Variants in LINGO2 observed in about 807,000 individuals in gnomAD.
LINGO2 encodes leucine-rich repeat and immunoglobulin-like domain-containing nogo receptor-interacting protein 2.
A neutral mutation model predicts 30.6 loss-of-function variants in LINGO2; 14 were observed. The ratio of observed to expected loss-of-function variants is 0.46; its 90% CI spans 0.30 to 0.72. LINGO2 has a LOEUF of 0.72. Among genes scored for constraint, LINGO2 ranks in the 30% least tolerant of loss-of-function variants. The pLI, the probability that LINGO2 is intolerant of heterozygous loss-of-function variation, is 0.07. For missense variants in LINGO2, 729 were observed against 751.7 expected (o/e 0.97, Z 0.35); for synonymous variants, 317 against 288.5 (o/e 1.10, Z -1.00).
intron 4 of LINGO2, among the ~76,000 whole-genome samples, chr9:28,042,383 GAC>G (rs1264537995): frequency 2.0e-5 from 3 of 152,220 alleles, no homozygotes; most frequent in African/African-American, 4.8e-5. Flanking sequence ...AGCAAAATCT[GAC>G]AAATTTTGGA....
intron 4 of LINGO2, among the ~76,000 whole-genome samples, chr9:28,160,848 A>C (rs773674942): frequency 6.6e-6 from 1 of 152,134 alleles, no homozygotes; most frequent in Admixed American, 6.5e-5. Context: ...ATCTCAATTT[A>C]TTAGCTCCAT....
At chr9:28,538,794 A>T (rs779435811) in intron 1 of LINGO2, among the ~76,000 whole-genome samples, 2 of 152,078 alleles carry the variant, frequency 1.3e-5, no homozygotes, top group African/African-American at 4.8e-5. Context: ...ACACCTCCCG[A>T]AAGTCCCCAC....
intron 4 of LINGO2, among the ~76,000 whole-genome samples, chr9:28,089,613 G>A (rs1263569852): frequency 1.3e-5 from 2 of 152,134 alleles, no homozygotes; most frequent in Non-Finnish European, 2.9e-5. Flanking sequence ...GAGAAAGCAG[G>A]AAAGATCTAA....
At chr9:28,269,004 T>C (rs1329870784) in intron 4 of LINGO2, among the ~76,000 whole-genome samples, 1 of 152,062 alleles carries the variant, frequency 6.6e-6, no homozygotes, top group Non-Finnish European at 1.5e-5. Context: ...ATGCATGCTG[T>C]TCTTCCTGGA....
chr9:27,987,629 T>C (rs949814882), intron 5 of LINGO2, among the ~76,000 whole-genome samples: 2 of 151,932 alleles, frequency 1.3e-5, no homozygotes, highest in South Asian at 4.1e-4. Flanking sequence ...TATGGTCAAC[T>C]ATTTTTGACT....
At chr9:28,669,454 C>T (rs1280564776) in intron 1 of LINGO2, among the ~76,000 whole-genome samples, 1 of 151,986 alleles carries the variant, frequency 6.6e-6, no homozygotes, top group Non-Finnish European at 1.5e-5. Context: ...TTCCTGGGCA[C>T]CACTGGACTT....
At chr9:28,075,121 C>A (rs1293800720) in intron 4 of LINGO2, among the ~76,000 whole-genome samples, 3 of 151,876 alleles carry the variant, frequency 2.0e-5, no homozygotes, top group African/African-American at 7.2e-5. Context: ...TTTTATCATT[C>A]CCTGGAATTC....
At chr9:28,761,974 C>T in the LINGO2 span, among the ~76,000 whole-genome samples, 4 of 151,756 alleles carry the variant, frequency 2.6e-5, no homozygotes, top group Non-Finnish European at 5.9e-5. Context: ...CACATCACAT[C>T]GTGGTTTAAT....
downstream of LINGO2, among the ~76,000 whole-genome samples, chr9:27,947,006 A>AT (rs1346940097): frequency 1.3e-5 from 2 of 152,134 alleles, no homozygotes; most frequent in Non-Finnish European, 2.9e-5. Flanking sequence ...AGCCTTTTGA[A>AT]TGTCAACCCG....
the LINGO2 span, among the ~76,000 whole-genome samples, chr9:28,997,544 C>T: frequency 6.6e-6 from 1 of 151,640 alleles, no homozygotes; most frequent in African/African-American, 2.4e-5. Flanking sequence ...AAATAGTTGG[C>T]CGGGTGCAGT....
In LINGO2 at chr9:28,376,583, G is replaced by T. The variant is rs74323513; in HGVS notation, c.-278-3715C>A. Among the ~76,000 whole-genome samples the T allele has an allele frequency of 5.1e-3, 774 of 152,268 alleles. 5 individuals are homozygous for T. Among genetic ancestry groups the T allele is most frequent in the African/African-American group, 0.018 (745 of 41,560 alleles). On this transcript the variant is annotated intron_variant, in intron 2 of 5. Transcript: ENST00000379992. Reference sequence around the variant, plus strand: ...ACCTTCCACCCGAGGGAACTGCCTTGACCAAGACAGGTTATTCACAGGCAG... The same window carrying T: ...ACCTTCCACCCGAGGGAACTGCCTTTACCAAGACAGGTTATTCACAGGCAG...
At chr9:28,546,309 A>C (rs1227044233) in intron 1 of LINGO2, among the ~76,000 whole-genome samples, 1 of 152,126 alleles carries the variant, frequency 6.6e-6, no homozygotes, top group Non-Finnish European at 1.5e-5. Context: ...GCATTAAAAA[A>C]ATATTTAATC....
At chr9:28,962,152 T>TC in the LINGO2 span, among the ~76,000 whole-genome samples, 837 of 152,174 alleles carry the variant, frequency 5.5e-3, 6 homozygotes, top group Non-Finnish European at 8.9e-3. Context: ...TAAAATATTT[T>TC]TTTAAAGTCT....
At chr9:28,859,752 T>C in the LINGO2 span, among the ~76,000 whole-genome samples, 1 of 152,066 alleles carries the variant, frequency 6.6e-6, no homozygotes. Context: ...TTAAAAATTA[T>C]AATATTCAAA....
chr9:29,047,067 CA>C, the LINGO2 span, among the ~76,000 whole-genome samples: 1 of 147,686 alleles, frequency 6.8e-6, no homozygotes, highest in Admixed American at 6.8e-5. Context: ...AACAAACAAA[CA>C]AACAAAAAAA....
intron 1 of LINGO2, among the ~76,000 whole-genome samples, chr9:28,606,311 A>G (rs936914096): frequency 1.3e-5 from 2 of 152,054 alleles, no homozygotes; most frequent in East Asian, 3.9e-4. Flanking sequence ...CACTGTGAAA[A>G]TAAAGAAATA....
chr9:28,786,142 AT>A, the LINGO2 span, among the ~76,000 whole-genome samples: 1 of 152,050 alleles, frequency 6.6e-6, no homozygotes, highest in Admixed American at 6.5e-5. Flanking sequence ...ATGGCAATCC[AT>A]TTTTCTATTT....
At chr9:28,418,499 G>C (rs1011655560) in intron 2 of LINGO2, among the ~76,000 whole-genome samples, 2 of 151,872 alleles carry the variant, frequency 1.3e-5, no homozygotes, top group African/African-American at 4.8e-5. Context: ...GGCTGGTCTC[G>C]AACTCCTGAT....
the LINGO2 span, among the ~76,000 whole-genome samples, chr9:28,907,470 A>T: frequency 2.6e-5 from 4 of 151,760 alleles, no homozygotes; most frequent in Non-Finnish European, 4.4e-5. Flanking sequence ...TTCTAATGAG[A>T]AGTAGAGGGA....
Sources: gnomAD v4.1 joint callset for allele counts (sites outside exome capture counted in the v4.1 genomes callset) on GRCh38, gnomAD v4.1.1 for gene constraint, MANE v1.5 for transcripts, NCBI Gene and HGNC (gene_info 2026-07-23, HGNC 2026-07-21) for gene names.